Variants in ALPK1 observed in about 807,000 individuals in gnomAD.
ALPK1 encodes the protein alpha-protein kinase 1.
Under a neutral mutation model 120.6 loss-of-function variants are expected in ALPK1, and 110 were observed. The observed-to-expected ratio is 0.91, with a 90% CI of 0.78 to 1.07. ALPK1 has a LOEUF of 1.07. Among genes scored for constraint, ALPK1 ranks in the 50% least tolerant of loss-of-function variants. The pLI is 0.00. For missense variants in ALPK1, 1,498 were observed against 1,483.9 expected (o/e 1.01, Z -0.16); for synonymous variants, 582 against 560.3 (o/e 1.04, Z -0.55).
At chr4:112,413,538 C>G (rs1733591507) in intron 5 of ALPK1, among the ~76,000 whole-genome samples, 1 of 152,196 alleles carries the variant, frequency 6.6e-6, no homozygotes, top group South Asian at 2.1e-4. Flanking sequence ...CCCCCCTCAG[C>G]CTCCTAAGTA....
chr4:112,431,479 G>T lies in ALPK1; in HGVS notation c.1932G>T (p.Gln644His). 2 of 1,614,198 alleles carry T rather than the reference G, an allele frequency of 1.2e-6. No individual in the cohort carries two copies. The highest frequency in any genetic ancestry group is 1.1e-5 in the South Asian group (1 of 91,084). ...GAGCTATGCATTCATTGCATTCACA[G>T]CTTCATGATCTCTCTCTTCAGGAAC... Reference protein sequence around the residue: ...EGRAMHSLHSQLHDLSLQEPN... With the variant: ...EGRAMHSLHSHLHDLSLQEPN... The change falls in exon 11 of 16, where the codon CAG (glutamine) becomes CAT (histidine). Residue 644 changes from glutamine to histidine, a missense_variant. By Grantham distance (24) the Gln-to-His change is conservative. Transcript: ENST00000650871.
intron 4 of ALPK1, among the ~76,000 whole-genome samples, chr4:112,396,644 T>C (rs567246752): frequency 3.3e-5 from 5 of 152,370 alleles, no homozygotes; most frequent in Admixed American, 3.3e-4. Flanking sequence ...TCTCAGAAAC[T>C]GATTTCACAA....
chr4:112,319,240 ATAG>A (rs1728763846), intron 2 of ALPK1, among the ~76,000 whole-genome samples: 2 of 152,192 alleles, frequency 1.3e-5, no homozygotes, highest in Non-Finnish European at 2.9e-5. Flanking sequence ...TTTGTTGCCT[ATAG>A]GGTGTGTGCT....
intron 3 of ALPK1, 88 bp from the exon 4 acceptor site, chr4:112,382,310 T>TTG: frequency 1.3e-6 from 1 of 762,296 alleles, no homozygotes; most frequent in Non-Finnish European, 1.8e-6. Flanking sequence ...TTTTTTTTTT[T>TTG]GCCACTGAGG....
chr4:112,297,644 G>GA (rs1560625655), intron 1 of ALPK1, among the ~76,000 whole-genome samples, 175 bp downstream of exon 1: 1 of 150,636 alleles, frequency 6.6e-6, no homozygotes, highest in African/African-American at 2.4e-5. Flanking sequence ...AGGGGAGGAT[G>GA]AGTTGGTGGG....
At chr4:112,333,266 G>A (rs1396170497) in intron 2 of ALPK1, among the ~76,000 whole-genome samples, 2 of 152,184 alleles carry the variant, frequency 1.3e-5, no homozygotes, top group East Asian at 3.8e-4. Context: ...ATTCTAAAGA[G>A]TATATCATGG....
At chr4:112,306,768 T>A (rs1380696371) in intron 1 of ALPK1, among the ~76,000 whole-genome samples, 1 of 152,118 alleles carries the variant, frequency 6.6e-6, no homozygotes, top group African/African-American at 2.4e-5. Context: ...TGCTCTGATC[T>A]TAGTTATTTC....
chr4:112,435,032 A>G, intron 11 of ALPK1, 116 bp from the exon 12 acceptor site: 2 of 996,320 alleles, frequency 2.0e-6, no homozygotes, highest in Non-Finnish European at 3.0e-6. Context: ...AGAAAAGTGT[A>G]TAAAAAAGTG....
intron 2 of ALPK1, among the ~76,000 whole-genome samples, chr4:112,338,828 C>T (rs1018845165): frequency 6.6e-6 from 1 of 152,068 alleles, no homozygotes; most frequent in Non-Finnish European, 1.5e-5. Flanking sequence ...TCTGAAAGTG[C>T]CAAAGTGGTT....
intron 5 of ALPK1, among the ~76,000 whole-genome samples, chr4:112,419,676 G>A (rs1733903505): frequency 6.6e-6 from 1 of 152,164 alleles, no homozygotes; most frequent in Non-Finnish European, 1.5e-5. Flanking sequence ...GAGAATGTGA[G>A]GAAAGAAAAT....
At chr4:112,319,815 G>A (rs1282427094) in intron 2 of ALPK1, among the ~76,000 whole-genome samples, 3 of 152,102 alleles carry the variant, frequency 2.0e-5, no homozygotes, top group Non-Finnish European at 4.4e-5. Context: ...TTTTAAAAGG[G>A]GTTGAGTTCT....
chr4:112,362,113 C>G, intron 2 of ALPK1, among the ~76,000 whole-genome samples: 1 of 152,240 alleles, frequency 6.6e-6, no homozygotes. Flanking sequence ...GATCCTCCCT[C>G]TGACATAGTC....
chr4:112,416,230 C>T (rs557389563), intron 5 of ALPK1, among the ~76,000 whole-genome samples: 4 of 152,240 alleles, frequency 2.6e-5, no homozygotes, highest in East Asian at 1.9e-4. Flanking sequence ...ATTCTAACCA[C>T]GTGCCTGGCT....
intron 4 of ALPK1, among the ~76,000 whole-genome samples, chr4:112,411,294 G>A (rs1354072702): frequency 2.0e-5 from 3 of 152,152 alleles, no homozygotes; most frequent in Admixed American, 6.5e-5. Flanking sequence ...GCTGGATCTC[G>A]GCTCCCTGCA....
intron 9 of ALPK1, among the ~76,000 whole-genome samples, chr4:112,428,534 A>G (rs1734340789): frequency 1.3e-5 from 2 of 152,214 alleles, no homozygotes; most frequent in African/African-American, 4.8e-5. Context: ...TCCCTTGTTC[A>G]CTGAAGTTAT....
chr4:112,440,381 G>C (rs1355879700), intron 14 of ALPK1, among the ~76,000 whole-genome samples: 1 of 151,860 alleles, frequency 6.6e-6, no homozygotes, highest in Non-Finnish European at 1.5e-5. Context: ...AGTTTGTCTG[G>C]TATTTTATTC....
At chr4:112,379,940 G>A (rs1243300997) in intron 3 of ALPK1, among the ~76,000 whole-genome samples, 1 of 152,182 alleles carries the variant, frequency 6.6e-6, no homozygotes. Context: ...GTAAAGAACA[G>A]ACTTTTCCAT....
intron 3 of ALPK1, among the ~76,000 whole-genome samples, chr4:112,379,831 A>T (rs1424987324): frequency 5.3e-5 from 8 of 152,216 alleles, no homozygotes; most frequent in African/African-American, 1.4e-4. Context: ...TTTTAAAAAC[A>T]TAGTTAAGAG....
chr4:112,393,156 A>G lies in ALPK1; in HGVS notation c.276+10604A>G, dbSNP rs150396718. On this transcript the variant is annotated intron_variant, in intron 4 of 15. Coordinates refer to ENST00000650871, the MANE Select transcript of ALPK1 (RefSeq NM_025144.4). ...TGCAATTAACCCAACAGATGTGGCCATTGGTCAAGAGAAGCCATGTGGTCA... is the reference window on the plus strand; with the variant it reads ...TGCAATTAACCCAACAGATGTGGCCGTTGGTCAAGAGAAGCCATGTGGTCA... Among the ~76,000 whole-genome samples, 394 of 152,354 alleles carry G rather than the reference A, an allele frequency of 2.6e-3. 2 individuals are homozygous for G. Among genetic ancestry groups the G allele is most frequent in the African/African-American group, 9.1e-3 (378 of 41,584 alleles).
Sources: allele counts gnomAD v4.1 joint callset (sites outside exome capture counted in the v4.1 genomes callset), GRCh38; gene constraint gnomAD v4.1.1; transcripts MANE v1.5; gene names NCBI Gene and HGNC (gene_info 2026-07-23, HGNC 2026-07-21).